CACNB2: variants seen among roughly 807,000 people sequenced by gnomAD.
CACNB2 encodes the protein calcium voltage-gated channel auxiliary subunit beta 2.
Under a neutral mutation model 73.3 loss-of-function variants are expected in CACNB2, and 42 were observed. That is an observed-to-expected ratio of 0.57 (90% CI 0.45 to 0.74). The LOEUF is 0.74. Ranked by LOEUF, CACNB2 falls within the 30% of genes least tolerant of loss-of-function variation. The pLI, the probability that CACNB2 is intolerant of heterozygous loss-of-function variation, is 0.00. For missense variants in CACNB2, 940 were observed against 853.0 expected, an observed-to-expected ratio of 1.10 and a Z score of -1.27; for synonymous variants, 348 against 310.3, an observed-to-expected ratio of 1.12 and a Z score of -1.28.
chr10:18,288,902 G>A (rs994251850), intron 2 of CACNB2, among the ~76,000 whole-genome samples: 17 of 152,032 alleles, frequency 1.1e-4, no homozygotes, highest in South Asian at 2.1e-4. Context: ...AAAATCAGCC[G>A]GGCATGGCAG....
At chr10:18,180,676 A>C (rs1478488683) in intron 2 of CACNB2, among the ~76,000 whole-genome samples, 1 of 152,104 alleles carries the variant, frequency 6.6e-6, no homozygotes, top group Non-Finnish European at 1.5e-5. Context: ...CAGTCAAAGA[A>C]ATAGAAGAGG....
At chr10:18,463,592 T>G (rs973250709) in intron 3 of CACNB2, among the ~76,000 whole-genome samples, 11 of 78,816 alleles carry the variant, frequency 1.4e-4, no homozygotes, top group South Asian at 9.3e-4. Context: ...TTGTTTTTTT[T>G]TTGTTGTTTT....
chr10:18,237,807 A>G (rs1357667197), intron 2 of CACNB2, among the ~76,000 whole-genome samples: 1 of 152,246 alleles, frequency 6.6e-6, no homozygotes, highest in Non-Finnish European at 1.5e-5. Context: ...GCACCAGTGT[A>G]CCGCAATATA....
intron 2 of CACNB2, among the ~76,000 whole-genome samples, chr10:18,384,969 C>T (rs1398552019): frequency 1.3e-5 from 2 of 151,894 alleles, no homozygotes; most frequent in Non-Finnish European, 2.9e-5. Context: ...AGTAGAATCA[C>T]ATGCAGAACT....
At chr10:18,513,101 CTTT>C (rs71402179) in intron 6 of CACNB2, 30 of 114,370 alleles carry the variant, frequency 2.6e-4, no homozygotes, top group Non-Finnish European at 3.5e-4. Flanking sequence ...TGACCATAAC[CTTT>C]TTTTTTTTTT....
At chr10:18,506,058 C>A (rs1232361373) in intron 5 of CACNB2, among the ~76,000 whole-genome samples, 1 of 152,070 alleles carries the variant, frequency 6.6e-6, no homozygotes, top group Admixed American at 6.6e-5. Flanking sequence ...ATAAAATAAG[C>A]CTAAAACAGA....
intron 2 of CACNB2, among the ~76,000 whole-genome samples, chr10:18,163,870 CTG>C (rs2032655102): frequency 1.3e-5 from 2 of 152,142 alleles, no homozygotes; most frequent in South Asian, 2.1e-4. Flanking sequence ...GCTTGGTTGA[CTG>C]TGTAATCTAC....
At chr10:18,259,142 A>G (rs2037413666) in intron 2 of CACNB2, among the ~76,000 whole-genome samples, 1 of 152,230 alleles carries the variant, frequency 6.6e-6, no homozygotes, top group Non-Finnish European at 1.5e-5. Context: ...TATATTACTG[A>G]TAAACAAAAC....
chr10:18,460,590 AAAAT>A (rs1338191215), intron 3 of CACNB2, among the ~76,000 whole-genome samples: 7 of 152,130 alleles, frequency 4.6e-5, no homozygotes, highest in African/African-American at 1.4e-4. Flanking sequence ...CCCATTTAAA[AAAAT>A]AAATAAAGGA....
At chr10:18,387,083 T>C (rs1393986067) in intron 2 of CACNB2, among the ~76,000 whole-genome samples, 1 of 152,140 alleles carries the variant, frequency 6.6e-6, no homozygotes, top group African/African-American at 2.4e-5. Context: ...TCTAGCTGAG[T>C]CGTCTCAGAG....
At chr10:18,254,273 A>G (rs2037195022) in intron 2 of CACNB2, among the ~76,000 whole-genome samples, 1 of 152,188 alleles carries the variant, frequency 6.6e-6, no homozygotes, top group Admixed American at 6.5e-5. Flanking sequence ...GAGAACTGGG[A>G]TTTATTAGGG....
At chr10:18,536,037 A>T in intron 11 of CACNB2, 64 bp from the exon 12 acceptor site, 1 of 961,260 alleles carries the variant, frequency 1.0e-6, no homozygotes, top group Non-Finnish European at 1.7e-6. Flanking sequence ...AGGAGTCAAT[A>T]ATGTACCTTG....
chr10:18,360,298 G>A (rs1029263052), intron 2 of CACNB2, among the ~76,000 whole-genome samples: 1 of 152,176 alleles, frequency 6.6e-6, no homozygotes, highest in African/African-American at 2.4e-5. Flanking sequence ...AATAATTACA[G>A]CTTACTGCAG....
At chr10:18,393,198 CAAAAA>C (rs11409619) in intron 2 of CACNB2, among the ~76,000 whole-genome samples, 1 of 146,930 alleles carries the variant, frequency 6.8e-6, no homozygotes, top group African/African-American at 2.5e-5. Flanking sequence ...GACTCCATGT[CAAAAA>C]AAAAAAAATC....
chr10:18,495,576 T>C (rs2049752634), intron 3 of CACNB2, among the ~76,000 whole-genome samples: 1 of 143,638 alleles, frequency 7.0e-6, no homozygotes, highest in South Asian at 2.1e-4. Flanking sequence ...TGTGTGTGTG[T>C]GTGTGTGTGT....
In CACNB2 at chr10:18,310,423, T is replaced by A. The variant is rs541099985; in HGVS notation, c.214-91501T>A. Reference sequence around the variant, plus strand: ...GAGTTCGAGACCAGCCTGACCAACATGGAGAAACCCCATCTCCACTAAAAA... The same window carrying A: ...GAGTTCGAGACCAGCCTGACCAACAAGGAGAAACCCCATCTCCACTAAAAA... On this transcript the variant is annotated intron_variant, in intron 2 of 13. Transcript: ENST00000324631. Among the ~76,000 whole-genome samples, 9 of 150,292 alleles carry A rather than the reference T, an allele frequency of 6.0e-5. No homozygotes were observed. The South Asian group carries it at 1.9e-3, about 32-fold the overall frequency.
chr10:18,499,091 G>C (rs1160885518), intron 4 of CACNB2, among the ~76,000 whole-genome samples: 3 of 152,132 alleles, frequency 2.0e-5, no homozygotes, highest in Non-Finnish European at 4.4e-5. Context: ...AGGTTTGTTT[G>C]GAGTCAACAT....
intron 2 of CACNB2, among the ~76,000 whole-genome samples, chr10:18,250,637 G>A (rs1272567679): frequency 1.3e-5 from 2 of 151,710 alleles, no homozygotes. Context: ...AAATATTTAA[G>A]ATTTAGGATA....
At chr10:18,227,453 G>A (rs2036038855) in intron 2 of CACNB2, among the ~76,000 whole-genome samples, 1 of 152,170 alleles carries the variant, frequency 6.6e-6, no homozygotes, top group African/African-American at 2.4e-5. Context: ...GATGGAAGGA[G>A]GAGGAAAGCG....
Sources: allele counts gnomAD v4.1 joint callset (sites outside exome capture counted in the v4.1 genomes callset), GRCh38; gene constraint gnomAD v4.1.1; transcripts MANE v1.5; gene names NCBI Gene and HGNC (gene_info 2026-07-23, HGNC 2026-07-21).